NSD1: variants seen among roughly 807,000 people sequenced by gnomAD.
NSD1 encodes nuclear receptor binding SET domain protein 1.
In NSD1, 26 loss-of-function variants were observed where a neutral mutation model predicts 242.7. That is an observed-to-expected ratio of 0.11 (90% CI 0.08 to 0.15). The LOEUF (loss-of-function observed/expected upper bound fraction) is 0.15, where lower values mean the gene tolerates loss of function less well. Among genes scored for constraint, NSD1 ranks in the 10% least tolerant of loss-of-function variants. The pLI is 1.00. For synonymous variants in NSD1, 1,106 were observed against 1,178.1 expected (o/e 0.94, Z 1.25); for missense variants, 2,495 against 3,272.8 (o/e 0.76, Z 5.80).
chr5:177,138,457 T>C (rs1470940114), intron 2 of NSD1, among the ~76,000 whole-genome samples: 12 of 152,080 alleles, frequency 7.9e-5, no homozygotes, highest in African/African-American at 2.4e-4. Flanking sequence ...GGTTTCACCA[T>C]GTGGGCCAGG....
rs777391174 is a variant in NSD1, at chr5:177,209,938, G to A, written c.1539G>A (p.Lys513=). 4.3e-6 allele frequency: 7 copies of A among 1,614,032 alleles called. No homozygotes were observed. In the East Asian group the frequency reaches 1.3e-4, roughly 31 times the overall value. The stretch of plus-strand genomic sequence containing the variant: ...ATCCAAAAAGGACTAGTGTGAAAAA[G>A]GGCCACATACAATTTGAAGCACATA... The part of the protein sequence containing the change: ...SDNPKRTSVK[K]GHIQFEAHKD... Residue 513 remains lysine (K), a synonymous_variant, in exon 5 of 23, where the codon AAG becomes AAA. Transcript: ENST00000439151.
Position 177,211,076 on chromosome 5 carries a change from G to C in NSD1, c.2677G>C (p.Ala893Pro). 1.2e-6 allele frequency: 2 copies of C among 1,614,140 alleles called. No individual in the cohort carries two copies. Among genetic ancestry groups the C allele is most frequent in the Admixed American group, 1.7e-5 (1 of 60,014 alleles). ...KPSKPLLFSSASSQNHIPIEP... is the reference protein window; with the variant it reads ...KPSKPLLFSSPSSQNHIPIEP... ...ATCAAAACCATTACTTTTCTCTTCT[G>C]CTTCTAGTCAGAATCACATACCTAT... is the stretch of plus-strand genomic sequence containing the variant. The change falls in exon 5 of 23, where the codon GCT (alanine) becomes CCT (proline). Residue 893 changes from alanine to proline, a missense_variant. Ala to Pro is a conservative substitution (Grantham distance 27). Around this residue, in one of 19 missense-constraint regions of NSD1, gnomAD observed 121 missense variants for 167.2 expected, o/e 0.72. Coordinates refer to ENST00000439151, the MANE Select transcript of NSD1 (RefSeq NM_022455.5).
At chr5:177,255,171 G>GGTGGGT (rs1012164030) in intron 12 of NSD1, among the ~76,000 whole-genome samples, 16 of 152,026 alleles carry the variant, frequency 1.1e-4, no homozygotes, top group Non-Finnish European at 2.2e-4. Context: ...CAGGCATGGC[G>GGTGGGT]GTGGGTGCCT....
intron 2 of NSD1, among the ~76,000 whole-genome samples, chr5:177,145,197 C>T (rs1206281564): frequency 1.3e-5 from 2 of 151,222 alleles, no homozygotes; most frequent in African/African-American, 4.9e-5. Context: ...TAGAAATTGT[C>T]TCTTCTCTCT....
chr5:177,265,530 G>A (rs1335546303), intron 14 of NSD1: 2 of 780,062 alleles, frequency 2.6e-6, no homozygotes, highest in East Asian at 2.6e-5. Flanking sequence ...GTCTAGGAAT[G>A]CTCAGCCCCT....
At chr5:177,178,939 A>G (rs1269000165) in intron 2 of NSD1, among the ~76,000 whole-genome samples, 1 of 152,158 alleles carries the variant, frequency 6.6e-6, no homozygotes, top group African/African-American at 2.4e-5. Flanking sequence ...GCACAAGGGG[A>G]TCCAGAGCCT....
At chr5:177,197,573 G>T (rs1762198066) in intron 3 of NSD1, among the ~76,000 whole-genome samples, 1 of 152,180 alleles carries the variant, frequency 6.6e-6, no homozygotes. Flanking sequence ...AGTGAGCCAA[G>T]ATGACGCCAC....
intron 14 of NSD1, among the ~76,000 whole-genome samples, chr5:177,262,738 G>GCAT (rs1757090619): frequency 6.6e-6 from 1 of 152,224 alleles, no homozygotes; most frequent in Non-Finnish European, 1.5e-5. Flanking sequence ...ACTTAGCCAG[G>GCAT]CGTGATGGCA....
At chr5:177,179,372 C>G (rs887001314) in intron 2 of NSD1, among the ~76,000 whole-genome samples, 1 of 152,100 alleles carries the variant, frequency 6.6e-6, no homozygotes, top group Admixed American at 6.6e-5. Context: ...TGCGCCACCA[C>G]GCCCAGCTGA....
At chr5:177,186,049 A>AT (rs1761181761) in intron 2 of NSD1, among the ~76,000 whole-genome samples, 1 of 106,682 alleles carries the variant, frequency 9.4e-6, no homozygotes, top group African/African-American at 4.0e-5. Flanking sequence ...TATATAATAT[A>AT]TAATATAACA....
At chr5:177,255,229 C>T (rs1756336600) in intron 12 of NSD1, among the ~76,000 whole-genome samples, 1 of 151,744 alleles carries the variant, frequency 6.6e-6, no homozygotes, top group South Asian at 2.1e-4. Context: ...TGCTTGATCC[C>T]AGGAGGTGGA....
chr5:177,240,488 C>T (rs1581413439), intron 8 of NSD1, among the ~76,000 whole-genome samples: 1 of 151,698 alleles, frequency 6.6e-6, no homozygotes, highest in African/African-American at 2.4e-5. Context: ...CTGAGGCGGG[C>T]GGATCACAAG....
Position 177,150,723 on chromosome 5 carries a change from A to G in NSD1, c.927+14693A>G, listed in dbSNP as rs554359310. 8.8e-4 allele frequency among the ~76,000 whole-genome samples: 134 copies of G among 152,322 alleles called. 1 individual carries two copies. Among genetic ancestry groups the G allele is most frequent in the African/African-American group, 3.1e-3 (130 of 41,582 alleles). ...CTGGTTATGTGATATTCCCTCACATACCAGAGTGAGTCTGAAGGTAGTCTT... is the reference window on the plus strand; with the variant it reads ...CTGGTTATGTGATATTCCCTCACATGCCAGAGTGAGTCTGAAGGTAGTCTT... On this transcript the variant is annotated intron_variant, in intron 2 of 22. Coordinates refer to ENST00000439151, the MANE Select transcript of NSD1 (RefSeq NM_022455.5).
intron 15 of NSD1, among the ~76,000 whole-genome samples, chr5:177,268,383 C>T (rs1289687156): frequency 1.3e-5 from 2 of 150,528 alleles, no homozygotes; most frequent in East Asian, 2.0e-4. Context: ...TGCTAAATGA[C>T]GAGTTAATGG....
chr5:177,277,822 G>C (rs1758522291), intron 17 of NSD1, among the ~76,000 whole-genome samples: 1 of 152,128 alleles, frequency 6.6e-6, no homozygotes, highest in Non-Finnish European at 1.5e-5. Flanking sequence ...TCCAGTCTGG[G>C]GGACAGAGTA....
intron 5 of NSD1, among the ~76,000 whole-genome samples, chr5:177,222,373 G>C (rs995644877): frequency 2.6e-5 from 4 of 152,162 alleles, no homozygotes; most frequent in Non-Finnish European, 5.9e-5. Flanking sequence ...CCTAGGAGTA[G>C]AATTCCTGGG....
chr5:177,237,244 CTATTTT>C (rs1255368005), intron 6 of NSD1, among the ~76,000 whole-genome samples: 2 of 152,084 alleles, frequency 1.3e-5, no homozygotes, highest in Non-Finnish European at 2.9e-5. Flanking sequence ...ATTATTTTCT[CTATTTT>C]TATTAACTGA....
chr5:177,150,572 C>G (rs962517618), intron 2 of NSD1, among the ~76,000 whole-genome samples: 2 of 146,906 alleles, frequency 1.4e-5, no homozygotes, highest in African/African-American at 4.9e-5. Context: ...TCTAAAGTTC[C>G]TTTCACATTG....
Position 177,204,111 on chromosome 5 carries a change from C to G in NSD1, c.1064-9C>G, listed in dbSNP as rs1304257785. 1.2e-6 allele frequency: 2 copies of G among 1,613,454 alleles called. No homozygotes were observed. The highest frequency in any genetic ancestry group is 2.2e-5 in the South Asian group (2 of 91,050). On this transcript the variant is annotated splice_polypyrimidine_tract_variant and intron_variant, in intron 3 of 22. Coordinates refer to ENST00000439151, the MANE Select transcript of NSD1 (RefSeq NM_022455.5). ...ATCTAATGATTCTGGTTCTCTTACC[C>G]TTACCTAGTTTCCAACCGGAGGCCC...
Sources: gnomAD v4.1 joint callset for allele counts (sites outside exome capture counted in the v4.1 genomes callset) on GRCh38, gnomAD v4.1.1 for gene constraint, gnomAD v4.1.1 regional missense constraint, MANE v1.5 for transcripts, NCBI Gene and HGNC (gene_info 2026-07-23, HGNC 2026-07-21) for gene names.